PRORP: variants seen among roughly 807,000 people sequenced by gnomAD.
The protein encoded by PRORP is protein only RNase P catalytic subunit, also known as mitochondrial ribonuclease P catalytic subunit.
PRORP carries 51 observed loss-of-function variants against 59.4 expected under a neutral mutation model. The observed-to-expected ratio is 0.86, with a 90% CI of 0.69 to 1.08. The LOEUF is 1.08. Ranked by LOEUF, PRORP falls within the 50% of genes least tolerant of loss-of-function variation. The pLI is 0.00. For synonymous variants in PRORP, 231 were observed against 245.6 expected, an observed-to-expected ratio of 0.94 and a Z score of 0.55; for missense variants, 646 against 690.3, an observed-to-expected ratio of 0.94 and a Z score of 0.72.
At chr14:35,166,750 C>G (rs1477385074) in intron 4 of PRORP, among the ~76,000 whole-genome samples, 1 of 152,104 alleles carries the variant, frequency 6.6e-6, no homozygotes, top group Admixed American at 6.5e-5. Flanking sequence ...TGTGCCTGGC[C>G]TATCTGAATC....
chr14:35,246,932 G>A (rs1362120358), intron 5 of PRORP, among the ~76,000 whole-genome samples: 3 of 152,072 alleles, frequency 2.0e-5, no homozygotes, highest in East Asian at 3.9e-4. Context: ...ATCCCGTCCC[G>A]ATTGCGTAGT....
At position 35,273,513 on chromosome 14, in the gene PRORP, A is replaced by G; in HGVS notation, c.1699A>G (p.Arg567Gly). 1 of 1,613,850 alleles carries G rather than the reference A, an allele frequency of 6.2e-7. No homozygotes were observed. Among genetic ancestry groups the G allele is most frequent in the Non-Finnish European group, 8.5e-7 (1 of 1,179,858 alleles). ...ACCATATGATGAAGACTTGGTAGAA[A>G]GATGTTCCTGTGAAGTACCAACCAA... is the stretch of plus-strand genomic sequence containing the variant. ...HIPYDEDLVE[R>G]CSCEVPTKWL... Residue 567 changes from arginine to glycine, a missense_variant, in exon 8 of 8, where the codon AGA becomes GGA. By Grantham distance (125) the Arg-to-Gly change is moderately radical. Coordinates refer to ENST00000534898, the MANE Select transcript of PRORP (RefSeq NM_014672.4).
At chr14:35,149,074 A>C (rs1468103073) in intron 4 of PRORP, among the ~76,000 whole-genome samples, 1 of 148,452 alleles carries the variant, frequency 6.7e-6, no homozygotes, top group Non-Finnish European at 1.5e-5. Flanking sequence ...GCCCGCCACC[A>C]CGCCCGGCTA....
chr14:35,262,780 A>G, intron 5 of PRORP: 2 of 1,218,718 alleles, frequency 1.6e-6, no homozygotes, highest in Non-Finnish European at 2.4e-6. Context: ...ATCCAGGAGA[A>G]TGGGTCTCTT....
At chr14:35,256,933 C>T (rs1489757382) in intron 5 of PRORP, among the ~76,000 whole-genome samples, 3 of 149,350 alleles carry the variant, frequency 2.0e-5, no homozygotes, top group Non-Finnish European at 4.4e-5. Context: ...AGTATAGTGG[C>T]ACCATCTCAG....
chr14:35,233,688 G>C (rs978697148), intron 5 of PRORP, among the ~76,000 whole-genome samples: 14 of 152,010 alleles, frequency 9.2e-5, no homozygotes, highest in Non-Finnish European at 2.1e-4. Flanking sequence ...TCTTTGAGTA[G>C]TTCTCTAATT....
chr14:35,125,400 A>G (rs1307951185), intron 2 of PRORP, among the ~76,000 whole-genome samples: 1 of 151,916 alleles, frequency 6.6e-6, no homozygotes, highest in East Asian at 1.9e-4. Context: ...AATTTTTGAA[A>G]ATTTTTACTT....
At chr14:35,128,519 T>C (rs868536771) in intron 4 of PRORP, among the ~76,000 whole-genome samples, 10 of 152,236 alleles carry the variant, frequency 6.6e-5, no homozygotes, top group Non-Finnish European at 2.9e-5. Flanking sequence ...TCGTTACTTG[T>C]TATTGGTCTC....
intron 5 of PRORP, among the ~76,000 whole-genome samples, chr14:35,233,512 C>T (rs1443869553): frequency 1.3e-5 from 2 of 149,728 alleles, no homozygotes; most frequent in African/African-American, 4.9e-5. Flanking sequence ...GCAATCCCTT[C>T]GTTTAAGAAA....
At chr14:35,147,632 AC>A (rs1478385861) in intron 4 of PRORP, among the ~76,000 whole-genome samples, 5 of 152,224 alleles carry the variant, frequency 3.3e-5, no homozygotes, top group South Asian at 4.1e-4. Context: ...GGCATGAGCC[AC>A]TGTGTGGCAA....
chr14:35,139,966 T>C (rs2047447922), intron 4 of PRORP, among the ~76,000 whole-genome samples: 1 of 145,772 alleles, frequency 6.9e-6, no homozygotes, highest in Non-Finnish European at 1.5e-5. Flanking sequence ...TGTCTTCATG[T>C]GGCCTTTGTG....
Position 35,169,815 on chromosome 14 carries a change from G to A in PRORP, c.1168-10855G>A, listed in dbSNP as rs540477700. Among the ~76,000 whole-genome samples the A allele has an allele frequency of 2.6e-5, 4 of 152,296 alleles. No individual in the cohort carries two copies. In the South Asian group the frequency reaches 6.2e-4, roughly 24 times the overall value. On this transcript the variant is annotated intron_variant, in intron 4 of 7. Coordinates refer to ENST00000534898, the MANE Select transcript of PRORP (RefSeq NM_014672.4). ...TCCATGTGCACTTGAAAAGGAATAC[G>A]TAGTCTGCTATTGTTGGGCATAGTG... is the stretch of plus-strand genomic sequence containing the variant.
chr14:35,198,147 T>C (rs1402545093), intron 5 of PRORP, among the ~76,000 whole-genome samples: 3 of 152,220 alleles, frequency 2.0e-5, no homozygotes, highest in Non-Finnish European at 4.4e-5. Context: ...TTCTGGTATA[T>C]CTTCCAAAGG....
chr14:35,146,579 T>A (rs978529680), intron 4 of PRORP, among the ~76,000 whole-genome samples: 2 of 152,208 alleles, frequency 1.3e-5, no homozygotes, highest in East Asian at 3.8e-4. Context: ...TTCCCCAGAT[T>A]TAAATAAATG....
chr14:35,181,025 G>C (rs1278211058), intron 5 of PRORP, among the ~76,000 whole-genome samples: 2 of 152,148 alleles, frequency 1.3e-5, no homozygotes, highest in Non-Finnish European at 2.9e-5. Flanking sequence ...TACAGGGCCA[G>C]ATTTTCCCGT....
At chr14:35,156,708 T>G (rs2047921483) in intron 4 of PRORP, among the ~76,000 whole-genome samples, 1 of 152,188 alleles carries the variant, frequency 6.6e-6, no homozygotes, top group Non-Finnish European at 1.5e-5. Context: ...TTATTTAACC[T>G]GTAAAATTCT....
At chr14:35,151,854 G>A (rs2047758535) in intron 4 of PRORP, among the ~76,000 whole-genome samples, 1 of 150,746 alleles carries the variant, frequency 6.6e-6, no homozygotes. Flanking sequence ...AATTCTTAGT[G>A]TCAGGCTAAG....
intron 4 of PRORP, among the ~76,000 whole-genome samples, chr14:35,164,261 C>T (rs897869670): frequency 6.6e-6 from 1 of 152,182 alleles, no homozygotes; most frequent in Non-Finnish European, 1.5e-5. Flanking sequence ...ACAGAGCAAC[C>T]ATTTAACTCA....
At chr14:35,237,476 A>G (rs1176471717) in intron 5 of PRORP, among the ~76,000 whole-genome samples, 1 of 151,970 alleles carries the variant, frequency 6.6e-6, no homozygotes, top group African/African-American at 2.4e-5. Context: ...TTAAATCCCT[A>G]TCATAGCCTC....
Sources: gnomAD v4.1 joint callset for allele counts (sites outside exome capture counted in the v4.1 genomes callset) on GRCh38, gnomAD v4.1.1 for gene constraint, MANE v1.5 for transcripts, NCBI Gene and HGNC (gene_info 2026-07-23, HGNC 2026-07-21) for gene names.